The following TRIM5 variants were observed in gnomAD, a reference collection of about 807,000 sequenced individuals.
TRIM5 encodes tripartite motif containing 5, also known as tripartite motif-containing protein 5.
Under a neutral mutation model 35.6 loss-of-function variants are expected in TRIM5, and 31 were observed. The ratio of observed to expected loss-of-function variants is 0.87; its 90% CI spans 0.65 to 1.18. The LOEUF is 1.18. Ranked by LOEUF, TRIM5 falls within the 50% of genes most tolerant of loss-of-function variation. The pLI is 0.00. For synonymous variants in TRIM5, 243 were observed against 215.6 expected (o/e 1.13, Z -1.11); for missense variants, 609 against 591.6 (o/e 1.03, Z -0.31).
chr11:5,642,752 T>C, the TRIM5 span: 1 of 1,603,042 alleles, frequency 6.2e-7, no homozygotes, highest in Non-Finnish European at 8.5e-7. Flanking sequence ...CTCTAAAGAA[T>C]ATATAGGTAT....
At chr11:5,627,614 A>G in the TRIM5 span, among the ~76,000 whole-genome samples, 1 of 152,192 alleles carries the variant, frequency 6.6e-6, no homozygotes. Flanking sequence ...TGACCAGAAC[A>G]CTACAGCTCT....
chr11:5,597,165 C>T, the TRIM5 span, among the ~76,000 whole-genome samples: 1 of 152,224 alleles, frequency 6.6e-6, no homozygotes, highest in Admixed American at 6.5e-5. Flanking sequence ...CTGACAGACA[C>T]TGGCTGTGTG....
At chr11:5,606,320 G>C in the TRIM5 span, among the ~76,000 whole-genome samples, 1 of 151,898 alleles carries the variant, frequency 6.6e-6, no homozygotes, top group Non-Finnish European at 1.5e-5. Flanking sequence ...ATCAAGCCTA[G>C]AGAGATTTGA....
At chr11:5,661,293 C>T (rs1225029588), downstream of TRIM5, among the ~76,000 whole-genome samples, 1 of 151,942 alleles carries the variant, frequency 6.6e-6, no homozygotes, top group Non-Finnish European at 1.5e-5. Context: ...TATTCCATCC[C>T]ATCCCTCCAA....
chr11:5,657,776 C>A, the TRIM5 span, among the ~76,000 whole-genome samples: 4 of 142,448 alleles, frequency 2.8e-5, no homozygotes, highest in African/African-American at 1.1e-4. Flanking sequence ...CCACCATGCC[C>A]GGCAAATTTT....
the TRIM5 span, chr11:5,605,341 A>C: frequency 6.2e-7 from 1 of 1,614,102 alleles, no homozygotes; most frequent in South Asian, 1.1e-5. Context: ...CTGAAGAATC[A>C]GATGGAGCCT....
At position 5,679,750 on chromosome 11, in the gene TRIM5, C is replaced by A; in HGVS notation, c.417+11G>T. ...TTTCTGCCCTCTCTTCCTTCCATCC[C>A]AGTCTCTTACTTGGTACTCCCGGGC... On this transcript the variant is annotated intron_variant, in intron 2 of 7. Transcript: ENST00000380034. 6.4e-7 allele frequency: 1 copy of A among 1,559,628 alleles called. No individual in the cohort carries two copies.
At chr11:5,615,354 T>A in the TRIM5 span, among the ~76,000 whole-genome samples, 787 of 152,314 alleles carry the variant, frequency 5.2e-3, 8 homozygotes, top group African/African-American at 0.018. Context: ...TATACAACTA[T>A]ATTTGTGGAT....
the TRIM5 span, among the ~76,000 whole-genome samples, chr11:5,648,431 G>A: frequency 2.6e-5 from 3 of 116,226 alleles, no homozygotes; most frequent in Non-Finnish European, 6.0e-5. Flanking sequence ...GCGTGAACCT[G>A]GGAGGTGGAG....
chr11:5,590,218 C>A, the TRIM5 span: 41,147 of 166,348 alleles, frequency 0.25, 5,648 homozygotes, highest in East Asian at 0.48. Flanking sequence ...ACCCCCTGCT[C>A]CAGGGCGCCC....
intron 1 of TRIM5, among the ~76,000 whole-genome samples, chr11:5,683,271 A>C (rs1233999301): frequency 6.6e-6 from 1 of 152,164 alleles, no homozygotes; most frequent in Non-Finnish European, 1.5e-5. Context: ...TCACCACCCA[A>C]GGGCTGAGGA....
the TRIM5 span, among the ~76,000 whole-genome samples, chr11:5,597,712 G>C: frequency 6.6e-6 from 1 of 152,112 alleles, no homozygotes; most frequent in Admixed American, 6.6e-5. Context: ...CCCCTGCTGA[G>C]TCACTGATTT....
chr11:5,594,041 T>C, the TRIM5 span, among the ~76,000 whole-genome samples: 1 of 152,234 alleles, frequency 6.6e-6, no homozygotes, highest in East Asian at 1.9e-4. Context: ...GCTATGGACA[T>C]TTGTGTACAA....
the TRIM5 span, chr11:5,643,643 T>G: frequency 6.2e-7 from 1 of 1,614,134 alleles, no homozygotes; most frequent in Non-Finnish European, 8.5e-7. Context: ...TTTCTCAGCC[T>G]GTTTATCCAT....
downstream of TRIM5, among the ~76,000 whole-genome samples, chr11:5,661,568 C>T (rs1183968545): frequency 3.3e-5 from 5 of 152,140 alleles, no homozygotes. Flanking sequence ...CCAGATATGC[C>T]TAATTAATGG....
the TRIM5 span, among the ~76,000 whole-genome samples, chr11:5,592,084 G>A: frequency 1.3e-5 from 2 of 152,158 alleles, no homozygotes; most frequent in Non-Finnish European, 2.9e-5. Flanking sequence ...GAAACTGGAT[G>A]GGATTATCTA....
Position 5,665,645 on chromosome 11 carries a change from C to G in TRIM5, c.895+11G>C. 1 of 1,557,812 alleles carries G rather than the reference C, an allele frequency of 6.4e-7. No individual in the cohort carries two copies. Among genetic ancestry groups the G allele is most frequent in the Non-Finnish European group, 8.6e-7 (1 of 1,161,638 alleles). On this transcript the variant is annotated intron_variant, in intron 7 of 7. Coordinates refer to ENST00000380034, the MANE Select transcript of TRIM5 (RefSeq NM_033034.3). ...CGCAGGGTGGCTTATGATAATGTGA[C>G]TTCTCCTTACCCCAGTAGCGTCGGA... is the stretch of plus-strand genomic sequence containing the variant.
At chr11:5,655,684 C>T in the TRIM5 span, 12 of 985,362 alleles carry the variant, frequency 1.2e-5, no homozygotes, top group South Asian at 1.9e-4. Flanking sequence ...TTTTTAGTGA[C>T]GTCATCTGGC....
At chr11:5,623,105 C>CTTTT in the TRIM5 span, among the ~76,000 whole-genome samples, 9 of 106,844 alleles carry the variant, frequency 8.4e-5, no homozygotes, top group Non-Finnish European at 1.3e-4. Context: ...CTGTCTGGAG[C>CTTTT]TTTTTTTTTT....
Sources: gnomAD v4.1 joint callset for allele counts (sites outside exome capture counted in the v4.1 genomes callset) on GRCh38, gnomAD v4.1.1 for gene constraint, MANE v1.5 for transcripts, NCBI Gene and HGNC (gene_info 2026-07-23, HGNC 2026-07-21) for gene names.